PLEKHM3: variants seen among roughly 807,000 people sequenced by gnomAD.
PLEKHM3 encodes pleckstrin homology domain containing M3.
PLEKHM3 carries 45 observed loss-of-function variants against 81.8 expected under a neutral mutation model. That is an observed-to-expected ratio of 0.55 (90% CI 0.43 to 0.71). The LOEUF (loss-of-function observed/expected upper bound fraction) is 0.71. Ranked by LOEUF, PLEKHM3 falls within the 30% of genes least tolerant of loss-of-function variation. The pLI is 0.00. For synonymous variants in PLEKHM3, 352 were observed against 356.4 expected (o/e 0.99, Z 0.14); for missense variants, 788 against 924.3 (o/e 0.85, Z 1.91).
intron 6 of PLEKHM3, among the ~76,000 whole-genome samples, chr2:207,886,021 T>A (rs1027658213): frequency 6.6e-6 from 1 of 152,074 alleles, no homozygotes; most frequent in African/African-American, 2.4e-5. Context: ...GTCTTCTAGA[T>A]CAGTATAATT....
intron 1 of PLEKHM3, among the ~76,000 whole-genome samples, chr2:208,015,321 A>T (rs1445372658): frequency 6.6e-6 from 1 of 152,240 alleles, no homozygotes; most frequent in East Asian, 1.9e-4. Flanking sequence ...ATATGGCTAA[A>T]ATTTTAGTAC....
chr2:207,836,728 C>T (rs555411636), intron 7 of PLEKHM3, among the ~76,000 whole-genome samples: 3 of 152,294 alleles, frequency 2.0e-5, no homozygotes, highest in South Asian at 2.1e-4. Flanking sequence ...GCCGCTGCCC[C>T]GAGTTGAGGT....
intron 6 of PLEKHM3, among the ~76,000 whole-genome samples, chr2:207,878,958 T>G (rs572937722): frequency 6.6e-6 from 1 of 152,304 alleles, no homozygotes; most frequent in Admixed American, 6.5e-5. Context: ...AGCCTCTTTT[T>G]CCTCACTTGC....
chr2:207,892,701 G>C (rs10196699), intron 6 of PLEKHM3, among the ~76,000 whole-genome samples: 41,671 of 151,998 alleles, frequency 0.27, 5,819 homozygotes, highest in Middle Eastern at 0.32. Context: ...TGCCATTGGT[G>C]GGGTGGAGAC....
chr2:207,931,034 T>C lies in PLEKHM3; in HGVS notation c.1778A>G (p.His593Arg), dbSNP rs377042018. Reference protein sequence around the residue: ...DIQQENAMLYHHAEPLAAVLR... With the variant: ...DIQQENAMLYRHAEPLAAVLR... Reference sequence around the variant, plus strand: ...CACGGCGGCCAGCGGCTCTGCGTGGTGGTACAGCATGGCGTTCTCCTGCTG... The same window carrying C: ...CACGGCGGCCAGCGGCTCTGCGTGGCGGTACAGCATGGCGTTCTCCTGCTG... The change falls in exon 5 of 8, where the codon CAC (histidine) becomes CGC (arginine). Residue 593 changes from histidine (H) to arginine (R), a missense_variant. Coordinates refer to ENST00000427836, the MANE Select transcript of PLEKHM3 (RefSeq NM_001080475.3). 6.8e-5 allele frequency: 110 copies of C among 1,613,912 alleles called. No individual in the cohort carries two copies. Among genetic ancestry groups the C allele is most frequent in the Non-Finnish European group, 8.7e-5 (103 of 1,179,970 alleles).
At chr2:207,834,469 A>C (rs1474450352) in intron 7 of PLEKHM3, among the ~76,000 whole-genome samples, 6 of 132,524 alleles carry the variant, frequency 4.5e-5, no homozygotes. Flanking sequence ...TTTGCTCTTG[A>C]GGCTGGAGTA....
In PLEKHM3 at chr2:208,001,310, T is replaced by C; in HGVS notation, c.330A>G (p.Glu110=). The change falls in exon 2 of 8, where the codon GAA becomes GAG. Residue 110 remains glutamate (E), a synonymous_variant. Transcript: ENST00000427836. The stretch of plus-strand genomic sequence containing the variant: ...AATTAAAGGTTGATGCTTCCTTTTG[T>C]TCCATCCAGGAAAGATTATCTGGGG... ...GTTPDNLSWM[E]QKEASTFNFF... The C allele has an allele frequency of 6.2e-7, 1 of 1,614,226 alleles. No individual in the cohort carries two copies. Among genetic ancestry groups the C allele is most frequent in the East Asian group, 2.2e-5 (1 of 44,890 alleles).
intron 6 of PLEKHM3, 142 bp downstream of exon 6, chr2:207,908,372 T>G (rs376394807): frequency 3.8e-6 from 3 of 794,148 alleles, no homozygotes; most frequent in Non-Finnish European, 4.2e-6. Context: ...TACTAAGTTT[T>G]CCCCCCATTC....
At chr2:207,879,448 C>A (rs907244091) in intron 6 of PLEKHM3, among the ~76,000 whole-genome samples, 1 of 152,204 alleles carries the variant, frequency 6.6e-6, no homozygotes, top group Non-Finnish European at 1.5e-5. Context: ...CTATTCTAGG[C>A]CTTTCCAAGT....
rs1282537525 is a variant in PLEKHM3 at position 207,841,460 on chromosome 2, AAAAAAAAAAAAAAAAAAAAAAT to A, written c.2109-12986_2109-12965del. ...CGAGACTCCATCTCAAAAAAAAAAA[AAAAAAAAAAAAAAAAAAAAAAT>A]ATATATATATATATATATATATATA... On this transcript the variant is annotated intron_variant, in intron 7 of 7. Transcript: ENST00000427836. Among the ~76,000 whole-genome samples, 213 of 58,702 alleles carry A rather than the reference AAAAAAAAAAAAAAAAAAAAAAT, an allele frequency of 3.6e-3. 3 individuals are homozygous for A. The highest frequency in any genetic ancestry group is 0.017 in the African/African-American group (198 of 11,508). 38.5% of individuals were successfully genotyped at this position (58,702 alleles called of 152,430 possible).
chr2:207,974,313 C>T (rs1574459145), intron 3 of PLEKHM3, among the ~76,000 whole-genome samples: 2 of 152,306 alleles, frequency 1.3e-5, no homozygotes, highest in South Asian at 4.1e-4. Flanking sequence ...TGCTGAATGG[C>T]ACCTTCTTAC....
intron 5 of PLEKHM3, among the ~76,000 whole-genome samples, chr2:207,923,069 T>G (rs1689240467): frequency 6.6e-6 from 1 of 152,176 alleles, no homozygotes; most frequent in Non-Finnish European, 1.5e-5. Context: ...AGTGGAAGAT[T>G]CTGGCTCGTG....
At chr2:207,956,460 G>A (rs1363763035) in intron 3 of PLEKHM3, among the ~76,000 whole-genome samples, 1 of 151,780 alleles carries the variant, frequency 6.6e-6, no homozygotes, top group African/African-American at 2.4e-5. Context: ...GCAACGGTAT[G>A]AGACTCCATC....
At chr2:207,885,376 A>C (rs926384051) in intron 6 of PLEKHM3, among the ~76,000 whole-genome samples, 14 of 152,210 alleles carry the variant, frequency 9.2e-5, no homozygotes, top group African/African-American at 2.9e-4. Flanking sequence ...TGCTCTTCTA[A>C]CTCTAGCTTG....
intron 1 of PLEKHM3, among the ~76,000 whole-genome samples, chr2:208,012,695 A>G (rs1019695016): frequency 3.3e-5 from 5 of 152,348 alleles, no homozygotes; most frequent in Admixed American, 2.0e-4. Context: ...GCTAACTGAC[A>G]TCCAGCAAGT....
intron 7 of PLEKHM3, among the ~76,000 whole-genome samples, chr2:207,836,097 G>T (rs1011774739): frequency 6.6e-6 from 1 of 152,140 alleles, no homozygotes; most frequent in African/African-American, 2.4e-5. Context: ...GTGCCCTGAC[G>T]AACTGGTCCC....
At chr2:208,009,074 A>G (rs747745797) in intron 1 of PLEKHM3, among the ~76,000 whole-genome samples, 2 of 152,318 alleles carry the variant, frequency 1.3e-5, no homozygotes, top group Admixed American at 6.5e-5. Context: ...TGGGGGGGAC[A>G]CTGTTCTGGG....
chr2:208,000,060 TGA>T lies in PLEKHM3; in HGVS notation c.610+968_610+969del, dbSNP rs1266285936. Reference sequence around the variant, plus strand: ...TCAAAGGAAATTCTGGGGAAAATGGTGAGAGAGTTTGTTGTGTCTCACAGAAG... The same window carrying T: ...TCAAAGGAAATTCTGGGGAAAATGGTGAGAGTTTGTTGTGTCTCACAGAAG... On this transcript the variant is annotated intron_variant, in intron 2 of 7. Coordinates refer to ENST00000427836, the MANE Select transcript of PLEKHM3 (RefSeq NM_001080475.3). Among the ~76,000 whole-genome samples the T allele has an allele frequency of 2.6e-5, 4 of 152,158 alleles. No individual in the cohort carries two copies. The East Asian group carries it at 7.7e-4, about 29-fold the overall frequency.
chr2:207,863,348 C>T (rs910180303), intron 6 of PLEKHM3, among the ~76,000 whole-genome samples: 6 of 152,206 alleles, frequency 3.9e-5, no homozygotes, highest in Admixed American at 1.3e-4. Context: ...GCCTGCAGGC[C>T]GAGGCCCTTC....
Sources: gnomAD v4.1 joint callset for allele counts (sites outside exome capture counted in the v4.1 genomes callset) on GRCh38, gnomAD v4.1.1 for gene constraint, MANE v1.5 for transcripts, NCBI Gene and HGNC (gene_info 2026-07-23, HGNC 2026-07-21) for gene names.